The following ANKS1B variants were observed in gnomAD, a reference collection of about 807,000 sequenced individuals.
ANKS1B encodes ankyrin repeat and sterile alpha motif domain containing 1B.
In ANKS1B, 36 loss-of-function variants were observed where a neutral mutation model predicts 148.3. The ratio of observed to expected loss-of-function variants is 0.24; its 90% CI spans 0.19 to 0.32. ANKS1B has a LOEUF of 0.32. Ranked by LOEUF, ANKS1B falls within the 10% of genes least tolerant of loss-of-function variation. ANKS1B has a pLI of 1.00. For missense variants in ANKS1B, 1,157 were observed against 1,542.6 expected (o/e 0.75, Z 4.19); for synonymous variants, 542 against 560.8 (o/e 0.97, Z 0.47).
intron 12 of ANKS1B, among the ~76,000 whole-genome samples, chr12:99,306,512 G>A (rs1214904505): frequency 6.6e-6 from 1 of 151,968 alleles, no homozygotes; most frequent in African/African-American, 2.4e-5. Flanking sequence ...AGCCCTTCAT[G>A]TAATTGAATA....
intron 12 of ANKS1B, among the ~76,000 whole-genome samples, chr12:99,359,987 A>T (rs907589396): frequency 6.6e-6 from 1 of 152,168 alleles, no homozygotes; most frequent in African/African-American, 2.4e-5. Context: ...AGCTCAGTTT[A>T]AACAGTCAAT....
At chr12:99,503,910 A>G (rs932552279) in intron 10 of ANKS1B, among the ~76,000 whole-genome samples, 11 of 152,164 alleles carry the variant, frequency 7.2e-5, no homozygotes, top group African/African-American at 2.2e-4. Flanking sequence ...ATAGAAAGAA[A>G]CTATAATGGT....
At chr12:98,917,840 C>T (rs2152887011) in intron 17 of ANKS1B, among the ~76,000 whole-genome samples, 1 of 152,318 alleles carries the variant, frequency 6.6e-6, no homozygotes, top group Non-Finnish European at 1.5e-5. Flanking sequence ...TGCCAGGCAT[C>T]ACACAAGGTA....
rs149837504 is a variant in ANKS1B at position 99,461,374 on chromosome 12, A to G, written c.1439-17565T>C. On this transcript the variant is annotated intron_variant, in intron 10 of 26. Coordinates refer to ENST00000683438, the MANE Select transcript of ANKS1B (RefSeq NM_001352186.2). ...CACCAAAATCTCAGAAATCACCACT[A>G]AAGAACTTATTCATGTAACCAAATA... Among the ~76,000 whole-genome samples the G allele has an allele frequency of 1.2e-4, 19 of 152,276 alleles. 1 individual carries two copies. In the South Asian group the frequency reaches 3.1e-3, roughly 25 times the overall value.
intron 8 of ANKS1B, among the ~76,000 whole-genome samples, chr12:99,677,670 A>T (rs2098586318): frequency 6.6e-6 from 1 of 152,208 alleles, no homozygotes; most frequent in African/African-American, 2.4e-5. Context: ...TTTTTTAAGA[A>T]GGATACACCA....
In ANKS1B at chr12:99,246,622, T is replaced by C. The variant is rs1418293348; in HGVS notation, c.1999A>G (p.Lys667Glu). 1.9e-6 allele frequency: 3 copies of C among 1,613,624 alleles called. No homozygotes were observed. Among genetic ancestry groups the C allele is most frequent in the Non-Finnish European group, 2.5e-6 (3 of 1,179,746 alleles). The change falls in exon 13 of 27, where the codon AAA (lysine) becomes GAA (glutamate). Residue 667 changes from lysine (K) to glutamate (E), a missense_variant. Coordinates refer to ENST00000683438, the MANE Select transcript of ANKS1B (RefSeq NM_001352186.2). ...SEPLVKKIKP[K>E]VVSRTIFHKK... is the part of the protein sequence containing the mutation. ...TGAAAAATTGTTCTACTGACCACTT[T>C]GGGTTTAATTTTCTTTACCAAAGGT... is the stretch of plus-strand genomic sequence containing the variant.
At chr12:98,995,976 T>C (rs986739084) in intron 17 of ANKS1B, among the ~76,000 whole-genome samples, 2 of 152,088 alleles carry the variant, frequency 1.3e-5, no homozygotes, top group African/African-American at 2.4e-5. Flanking sequence ...AGTATATACA[T>C]GTGCAGAAAC....
chr12:99,566,682 T>C (rs559327892), intron 9 of ANKS1B, among the ~76,000 whole-genome samples: 6 of 152,258 alleles, frequency 3.9e-5, no homozygotes, highest in African/African-American at 1.2e-4. Flanking sequence ...TGAGCTGACA[T>C]GCACACTCTT....
At chr12:99,626,565 G>A (rs966300716) in intron 9 of ANKS1B, among the ~76,000 whole-genome samples, 1 of 151,614 alleles carries the variant, frequency 6.6e-6, no homozygotes, top group Non-Finnish European at 1.5e-5. Context: ...ATCTTTACTT[G>A]TTCTCTCCCT....
intron 12 of ANKS1B, among the ~76,000 whole-genome samples, chr12:99,258,386 T>C (rs78140219): frequency 0.011 from 1,629 of 151,828 alleles, 29 homozygotes; most frequent in African/African-American, 0.037. Context: ...CTAAGGGAGG[T>C]TTGGTATTTT....
intron 12 of ANKS1B, among the ~76,000 whole-genome samples, chr12:99,334,280 C>T (rs755142937): frequency 6.6e-6 from 1 of 151,900 alleles, no homozygotes; most frequent in African/African-American, 2.4e-5. Flanking sequence ...TACTGGATGG[C>T]TTCATTCTTT....
intron 9 of ANKS1B, among the ~76,000 whole-genome samples, chr12:99,601,823 T>C (rs1244467546): frequency 3.9e-5 from 6 of 152,016 alleles, no homozygotes; most frequent in African/African-American, 7.2e-5. Context: ...TGAGGAAACC[T>C]AGTAAGACCT....
At chr12:99,005,245 G>C (rs992683885) in intron 17 of ANKS1B, among the ~76,000 whole-genome samples, 2 of 152,212 alleles carry the variant, frequency 1.3e-5, no homozygotes, top group African/African-American at 4.8e-5. Flanking sequence ...CCACAGCCCA[G>C]TGCTGGGACT....
At chr12:99,223,432 G>T (rs928960048) in intron 14 of ANKS1B, among the ~76,000 whole-genome samples, 2 of 152,016 alleles carry the variant, frequency 1.3e-5, no homozygotes, top group African/African-American at 2.4e-5. Flanking sequence ...ATCAGTGGGA[G>T]CCCTGAACTT....
intron 14 of ANKS1B, among the ~76,000 whole-genome samples, chr12:99,240,252 C>T (rs571260277): frequency 3.9e-5 from 6 of 151,960 alleles, no homozygotes; most frequent in African/African-American, 1.4e-4. Flanking sequence ...AAAAAAAGCA[C>T]GGATTGCAAT....
intron 25 of ANKS1B, among the ~76,000 whole-genome samples, chr12:98,757,752 C>G (rs1015750588): frequency 5.3e-5 from 8 of 152,266 alleles, no homozygotes; most frequent in Non-Finnish European, 1.0e-4. Flanking sequence ...CTCTCGAATG[C>G]TGTAACCTGG....
intron 19 of ANKS1B, among the ~76,000 whole-genome samples, chr12:98,822,253 T>C (rs979885914): frequency 3.9e-5 from 6 of 152,128 alleles, no homozygotes; most frequent in Non-Finnish European, 8.8e-5. Flanking sequence ...CTATTTCTAC[T>C]AGATGTTAAA....
intron 10 of ANKS1B, among the ~76,000 whole-genome samples, chr12:99,446,987 A>G (rs1200253963): frequency 1.3e-5 from 2 of 151,950 alleles, no homozygotes; most frequent in African/African-American, 4.8e-5. Flanking sequence ...TAGACCAAGA[A>G]TTTTTTTGAT....
chr12:99,409,886 T>G (rs7978186), intron 11 of ANKS1B, among the ~76,000 whole-genome samples: 41,463 of 152,076 alleles, frequency 0.27, 5,957 homozygotes, highest in East Asian at 0.51. Context: ...AATTACATAT[T>G]GAATTTGCCA....
Sources: allele counts gnomAD v4.1 joint callset (sites outside exome capture counted in the v4.1 genomes callset), GRCh38; gene constraint gnomAD v4.1.1; transcripts MANE v1.5; gene names NCBI Gene and HGNC (gene_info 2026-07-23, HGNC 2026-07-21).